VPS13D: variants seen among roughly 807,000 people sequenced by gnomAD.
VPS13D encodes the protein intermembrane lipid transfer protein VPS13D.
Under a neutral mutation model 461.9 loss-of-function variants are expected in VPS13D, and 187 were observed. The observed-to-expected ratio is 0.40, with a 90% CI of 0.36 to 0.46. The LOEUF is 0.46. Ranked by LOEUF, VPS13D falls within the 20% of genes least tolerant of loss-of-function variation. The probability of loss-of-function intolerance (pLI) is 0.60; values close to 1 mark genes in which losing one functional copy is unlikely to be tolerated. For missense variants in VPS13D, 4,711 were observed against 5,364.9 expected (o/e 0.88, Z 3.81); for synonymous variants, 1,951 against 1,986.3 (o/e 0.98, Z 0.47).
intron 65 of VPS13D, among the ~76,000 whole-genome samples, chr1:12,432,860 G>A (rs563325867): frequency 1.6e-4 from 25 of 152,238 alleles, no homozygotes; most frequent in African/African-American, 6.0e-4. Context: ...CTCCCAAAGT[G>A]CTGGGATTAC....
At chr1:12,481,190 G>T (rs1645710965) in intron 67 of VPS13D, among the ~76,000 whole-genome samples, 1 of 152,210 alleles carries the variant, frequency 6.6e-6, no homozygotes, top group African/African-American at 2.4e-5. Context: ...TTTTCCCAGA[G>T]GCACGGGGAG....
intron 65 of VPS13D, among the ~76,000 whole-genome samples, chr1:12,424,967 A>G (rs1431647469): frequency 6.6e-6 from 1 of 152,168 alleles, no homozygotes; most frequent in Non-Finnish European, 1.5e-5. Context: ...TCATGTGTTC[A>G]AGCTTTCTTA....
chr1:12,322,412 T>G, intron 33 of VPS13D, 124 bp from the exon 34 acceptor site: 96 of 924,064 alleles, frequency 1.0e-4, no homozygotes, highest in Non-Finnish European at 1.4e-4. Context: ...ATCTTTTAAA[T>G]GAGAAATTTG....
At chr1:12,455,298 C>G (rs1219429671) in intron 65 of VPS13D, among the ~76,000 whole-genome samples, 1 of 152,134 alleles carries the variant, frequency 6.6e-6, no homozygotes, top group Non-Finnish European at 1.5e-5. Context: ...TATTTGATAC[C>G]AAACCCTAAA....
In VPS13D at chr1:12,327,684, A is replaced by G. The variant is rs1189068441; in HGVS notation, c.8027A>G (p.Asn2676Ser). 1 of 1,614,110 alleles carries G rather than the reference A, an allele frequency of 6.2e-7. No individual in the cohort carries two copies. ...AAGGCAGCAAGTTGGTTGTTTAAGA[A>G]TGCGGAACCTCTGAAGTCTCTTTCC... ...LKKAASWLFKNAEPLKSLSLA... is the reference protein window; with the variant it reads ...LKKAASWLFKSAEPLKSLSLA... Residue 2676 changes from asparagine (N) to serine (S), a missense_variant, in exon 36 of 70, where the codon AAT becomes AGT. Around this residue, in one of 3 missense-constraint regions of VPS13D, gnomAD observed 4,411 missense variants for 4,937.8 expected, o/e 0.89. Transcript: ENST00000620676.
intron 44 of VPS13D, among the ~76,000 whole-genome samples, chr1:12,346,872 A>G (rs78272495): frequency 0.052 from 7,864 of 152,290 alleles, 300 homozygotes; most frequent in Admixed American, 0.11. Flanking sequence ...ATTACAGGGA[A>G]GGAGAAGGAA....
At chr1:12,441,202 C>T (rs1050062324) in intron 65 of VPS13D, among the ~76,000 whole-genome samples, 1 of 152,202 alleles carries the variant, frequency 6.6e-6, no homozygotes, top group Non-Finnish European at 1.5e-5. Context: ...GCTGGGATTA[C>T]AGGTGTGAGC....
At chr1:12,311,664 C>T (rs1642753994) in intron 28 of VPS13D, 39 bp downstream of exon 28, 1 of 1,609,416 alleles carries the variant, frequency 6.2e-7, no homozygotes, top group Non-Finnish European at 8.5e-7. Context: ...CTCTCATAGT[C>T]TCAGCTGACG....
chr1:12,277,726 A>G lies in VPS13D; in HGVS notation c.4138A>G (p.Asn1380Asp). Residue 1380 changes from asparagine (N) to aspartate (D), a missense_variant, in exon 19 of 70, where the codon AAC becomes GAC. Asn to Asp is a conservative substitution (Grantham distance 23, BLOSUM62 1). Transcript: ENST00000620676. The part of the protein sequence containing the change: ...LDTVKLILNI[N>D]IESPVVSIPR... The stretch of plus-strand genomic sequence containing the variant: ...CACTGTAAAGCTAATCTTGAACATA[A>G]ACATTGAATCACCAGTTGTTTCTAT... The G allele has an allele frequency of 1.2e-6, 2 of 1,614,232 alleles. No individual in the cohort carries two copies. The highest frequency in any genetic ancestry group is 1.7e-6 in the Non-Finnish European group (2 of 1,180,034).
chr1:12,260,873 G>A, intron 11 of VPS13D, 75 bp from the exon 12 acceptor site: 1 of 1,610,630 alleles, frequency 6.2e-7, no homozygotes. Context: ...TTGTGCTCCT[G>A]TGGGGAAACA....
At chr1:12,261,807 A>T in intron 12 of VPS13D, 94 bp from the exon 13 acceptor site, 2 of 1,073,252 alleles carry the variant, frequency 1.9e-6, no homozygotes, top group African/African-American at 1.6e-5. Context: ...AAAAATAGTT[A>T]AATAACATCA....
At chr1:12,298,754 AT>A (rs896198023) in intron 24 of VPS13D, among the ~76,000 whole-genome samples, 25 of 150,300 alleles carry the variant, frequency 1.7e-4, no homozygotes, top group African/African-American at 5.6e-4. Context: ...TATGCTTTTT[AT>A]TTTCTTCCTT....
intron 63 of VPS13D, 24 bp downstream of exon 63, chr1:12,403,997 T>G (rs768430824): frequency 8.3e-6 from 13 of 1,568,558 alleles, no homozygotes; most frequent in South Asian, 1.2e-5. Context: ...TGGGTAAATT[T>G]TTTTAGATGA....
intron 62 of VPS13D, among the ~76,000 whole-genome samples, chr1:12,402,411 G>A (rs1644593391): frequency 1.3e-5 from 2 of 152,174 alleles, no homozygotes; most frequent in Non-Finnish European, 2.9e-5. Context: ...GTCTTTTGAA[G>A]CCTAAACTAA....
At position 12,288,222 on chromosome 1, in the gene VPS13D, G is replaced by C; in HGVS notation, c.5635-1G>C. 1 of 1,612,310 alleles carries C rather than the reference G, an allele frequency of 6.2e-7. No individual in the cohort carries two copies. The highest frequency in any genetic ancestry group is 8.5e-7 in the Non-Finnish European group (1 of 1,178,660). On this transcript the variant is annotated splice_acceptor_variant, in intron 21 of 69. Transcript: ENST00000620676. LOFTEE classifies it high-confidence loss of function. ...CCTTGCTTTATCTTGTCTGTTCCTA[G>C]GTTCATTCACTTTCTCTAGTGCTGA...
chr1:12,313,087 C>T lies in VPS13D; in HGVS notation c.6936-1028C>T, dbSNP rs555632126. On this transcript the variant is annotated intron_variant, in intron 29 of 69. Transcript: ENST00000620676. The stretch of plus-strand genomic sequence containing the variant: ...ACTCTTTTCCAGATAGAGTTTCTGA[C>T]TAGCTTAAGGTCGTATGACTGGGAA... 9.2e-5 allele frequency among the ~76,000 whole-genome samples: 14 copies of T among 152,258 alleles called. No individual in the cohort carries two copies. The South Asian group carries it at 1.7e-3, about 18-fold the overall frequency.
In VPS13D at chr1:12,338,424, T is replaced by C. The variant is rs1643497800; in HGVS notation, c.8626+119T>C. 7 of 815,200 alleles carry C rather than the reference T, an allele frequency of 8.6e-6. No individual in the cohort carries two copies. The South Asian group carries it at 1.0e-4, about 12-fold the overall frequency. 50.5% of individuals were successfully genotyped at this position (815,200 alleles called of 1,614,324 possible). A position where few individuals can be genotyped will look rare whatever the true frequency, so the allele number is the denominator to read the frequency against. Reference sequence around the variant, plus strand: ...GGGGGTATTCCATGTCGTGAGTACTTTAGTAATAGGAAAGAACATTTCCAA... The same window carrying C: ...GGGGGTATTCCATGTCGTGAGTACTCTAGTAATAGGAAAGAACATTTCCAA... On this transcript the variant is annotated intron_variant, in intron 40 of 69. Coordinates refer to ENST00000620676, the MANE Select transcript of VPS13D (RefSeq NM_015378.4).
At chr1:12,485,475 C>T (rs544632921) in intron 67 of VPS13D, among the ~76,000 whole-genome samples, 1 of 152,346 alleles carries the variant, frequency 6.6e-6, no homozygotes, top group East Asian at 1.9e-4. Flanking sequence ...CCCGCATCAC[C>T]CTGTGTACTG....
chr1:12,333,526 C>A (rs1643381169), intron 38 of VPS13D, among the ~76,000 whole-genome samples, 160 bp downstream of exon 38: 1 of 152,228 alleles, frequency 6.6e-6, no homozygotes, highest in African/African-American at 2.4e-5. Flanking sequence ...CCTCTTGATT[C>A]TCAACCTGTT....
Sources: allele counts gnomAD v4.1 joint callset (sites outside exome capture counted in the v4.1 genomes callset), GRCh38; gene constraint gnomAD v4.1.1; regional missense constraint gnomAD v4.1.1; transcripts MANE v1.5; gene names NCBI Gene and HGNC (gene_info 2026-07-23, HGNC 2026-07-21).